Variants in CTNNA2 observed in about 807,000 individuals in gnomAD.
CTNNA2 encodes catenin alpha 2, also known as catenin alpha-2.
In CTNNA2, 42 loss-of-function variants were observed where a neutral mutation model predicts 101.0. The observed-to-expected ratio is 0.42, with a 90% confidence interval of 0.32 to 0.54. CTNNA2 has a LOEUF of 0.54. Among genes scored for constraint, CTNNA2 ranks in the 20% least tolerant of loss-of-function variants. The pLI is 0.14. For missense variants in CTNNA2, 871 were observed against 1,223.1 expected (o/e 0.71, Z 4.29); for synonymous variants, 450 against 456.4 (o/e 0.99, Z 0.18).
rs558875559 is a variant in CTNNA2, at chr2:79,193,867, C to T, written c.-523-4092C>T. Among the ~76,000 whole-genome samples the T allele has an allele frequency of 3.3e-5, 5 of 152,200 alleles. No individual in the cohort carries two copies. The South Asian group carries it at 8.3e-4, about 25-fold the overall frequency. ...TTGCCACAAGGGATAATAATGGTAC[C>T]TACTTCACAGGGTAGTTTTGAGGAT... On this transcript the variant is annotated intron_variant, in intron 1 of 21. Transcript: ENST00000466387.
At chr2:80,385,068 T>G (rs1676873916) in intron 7 of CTNNA2, among the ~76,000 whole-genome samples, 1 of 152,106 alleles carries the variant, frequency 6.6e-6, no homozygotes, top group Non-Finnish European at 1.5e-5. Flanking sequence ...GAAAACCTGT[T>G]GCATTCCAGG....
intron 2 of CTNNA2, among the ~76,000 whole-genome samples, chr2:79,735,207 A>G (rs1345908806): frequency 4.6e-5 from 7 of 152,146 alleles, no homozygotes; most frequent in Non-Finnish European, 8.8e-5. Flanking sequence ...CTGTGCTGCT[A>G]TTTAAATATG....
rs147825932 is a variant in CTNNA2 at position 79,497,262 on chromosome 2, C to T, written c.-134-7792C>T. Among the ~76,000 whole-genome samples, 488 of 152,274 alleles carry T rather than the reference C, an allele frequency of 3.2e-3. 1 individual carries two copies. The highest frequency in any genetic ancestry group is 9.8e-3 in the African/African-American group (407 of 41,554). On this transcript the variant is annotated intron_variant, in intron 4 of 21. Transcript: ENST00000466387. ...ACAACGTCTCTCTGTTTCCCCAGCA[C>T]GGCCCTGGGTGTCAGTTACTGGTTG...
rs114292203 is a variant in CTNNA2, at chr2:80,436,196, T to C, written c.1290+16595T>C. Among the ~76,000 whole-genome samples the C allele has an allele frequency of 2.2e-3, 331 of 152,222 alleles. 4 individuals are homozygous for C. The highest frequency in any genetic ancestry group is 7.5e-3 in the African/African-American group (312 of 41,544). ...GCAGGTCAGTGTTTGCAGATGAGTG[T>C]GTTCAAGTATATCAAGGGACAGACA... On this transcript the variant is annotated intron_variant, in intron 9 of 18. Transcript: ENST00000402739.
chr2:80,281,851 A>G (rs748774698), intron 7 of CTNNA2, among the ~76,000 whole-genome samples: 3 of 152,110 alleles, frequency 2.0e-5, no homozygotes, highest in Admixed American at 6.6e-5. Flanking sequence ...TGGTTAGTGT[A>G]ATATAATGCA....
At chr2:80,244,495 G>T (rs778169134) in intron 7 of CTNNA2, among the ~76,000 whole-genome samples, 1 of 152,136 alleles carries the variant, frequency 6.6e-6, no homozygotes, top group Non-Finnish European at 1.5e-5. Flanking sequence ...TTTATTTAAG[G>T]AATTCATAAC....
intron 9 of CTNNA2, among the ~76,000 whole-genome samples, chr2:80,439,394 G>T (rs913069719): frequency 1.3e-5 from 2 of 151,964 alleles, no homozygotes; most frequent in African/African-American, 4.8e-5. Flanking sequence ...AGGTTTTTTT[G>T]TTTTGTTTTG....
chr2:80,608,202 A>G lies in CTNNA2; in HGVS notation c.2314A>G (p.Lys772Glu). 1 of 1,610,326 alleles carries G rather than the reference A, an allele frequency of 6.2e-7. No individual in the cohort carries two copies. Among genetic ancestry groups the G allele is most frequent in the Non-Finnish European group, 8.5e-7 (1 of 1,177,408 alleles). The change falls in exon 17 of 19, where the codon AAG (lysine) becomes GAG (glutamate). Residue 772 changes from lysine (K) to glutamate (E), a missense_variant. Lys to Glu is a moderately conservative substitution (Grantham distance 56). This residue lies in a region of CTNNA2 where 93 missense variants were observed against 223.7 expected (regional missense o/e 0.42). Coordinates refer to ENST00000402739, the MANE Select transcript of CTNNA2 (RefSeq NM_001282597.3). ...TTTATAGTGTCCTGATTCAGCATGT[A>G]AGCAGGATTTATTAGCCTACCTTCA... Reference protein sequence around the residue: ...VADQCPDSACKQDLLAYLQRI... With the variant: ...VADQCPDSACEQDLLAYLQRI...
intron 2 of CTNNA2, among the ~76,000 whole-genome samples, chr2:79,679,556 C>T (rs1020689626): frequency 1.3e-5 from 2 of 152,150 alleles, no homozygotes; most frequent in East Asian, 1.9e-4. Flanking sequence ...AGCTGTAAAC[C>T]GCCCCATGCT....
At chr2:80,433,329 C>T (rs1367907426) in intron 9 of CTNNA2, among the ~76,000 whole-genome samples, 3 of 152,044 alleles carry the variant, frequency 2.0e-5, no homozygotes, top group South Asian at 2.1e-4. Flanking sequence ...GTGGGAACCC[C>T]GCCATCTCAG....
At chr2:79,632,427 A>G (rs1679753626) in intron 1 of CTNNA2, among the ~76,000 whole-genome samples, 1 of 152,186 alleles carries the variant, frequency 6.6e-6, no homozygotes, top group Admixed American at 6.5e-5. Flanking sequence ...CAATAAATAT[A>G]TTTCTTCTGT....
At chr2:80,194,304 C>T (rs962404780) in intron 7 of CTNNA2, among the ~76,000 whole-genome samples, 4 of 152,078 alleles carry the variant, frequency 2.6e-5, no homozygotes, top group African/African-American at 7.2e-5. Context: ...GGCTTTAAGC[C>T]GTCATGCCAA....
At chr2:79,378,998 A>T (rs1161357234) in intron 4 of CTNNA2, among the ~76,000 whole-genome samples, 1 of 152,122 alleles carries the variant, frequency 6.6e-6, no homozygotes, top group Non-Finnish European at 1.5e-5. Context: ...CAGCCTCAGT[A>T]CCACTTGTTT....
chr2:79,244,441 G>A (rs1056193161), intron 2 of CTNNA2, among the ~76,000 whole-genome samples: 3 of 152,104 alleles, frequency 2.0e-5, no homozygotes, highest in African/African-American at 7.2e-5. Flanking sequence ...TTTTTATTAT[G>A]TTTTCTGGCT....
At chr2:80,242,514 G>C (rs565648128) in intron 7 of CTNNA2, among the ~76,000 whole-genome samples, 1 of 152,108 alleles carries the variant, frequency 6.6e-6, no homozygotes. Context: ...TAAATCTTTT[G>C]CTAGGCTCTT....
intron 3 of CTNNA2, among the ~76,000 whole-genome samples, chr2:79,853,116 C>T (rs1315075972): frequency 6.6e-6 from 1 of 152,158 alleles, no homozygotes; most frequent in Non-Finnish European, 1.5e-5. Context: ...GATCCACCCA[C>T]CTCAGCCTCC....
At position 79,870,069 on chromosome 2, in the gene CTNNA2, T is replaced by G. The variant is rs369931983; in HGVS notation, c.585+134T>G. 18 of 1,207,184 alleles carry G rather than the reference T, an allele frequency of 1.5e-5. No individual in the cohort carries two copies. In the South Asian group the frequency reaches 2.5e-4, roughly 17 times the overall value. The allele number at this position is 1,207,184 out of a possible 1,614,324, so 74.8% of individuals were successfully genotyped here. A position where few individuals can be genotyped will look rare whatever the true frequency, so the allele number is the denominator to read the frequency against. ...CCCTAAGAACCTGTGATGACAAAGG[T>G]TGCTTCCTGCAGGGGCCAGTTGTGA... is the stretch of plus-strand genomic sequence containing the variant. On this transcript the variant is annotated intron_variant, in intron 5 of 18. Coordinates refer to ENST00000402739, the MANE Select transcript of CTNNA2 (RefSeq NM_001282597.3).
At chr2:79,189,576 A>G (rs1199400478) in intron 1 of CTNNA2, among the ~76,000 whole-genome samples, 1 of 152,232 alleles carries the variant, frequency 6.6e-6, no homozygotes, top group Non-Finnish European at 1.5e-5. Context: ...GAGAGAGCAC[A>G]GCTGAAGCAA....
intron 4 of CTNNA2, among the ~76,000 whole-genome samples, chr2:79,380,703 T>G (rs6728857): frequency 0.75 from 114,264 of 152,094 alleles, 43,198 homozygotes; most frequent in South Asian, 0.83. Context: ...GTGGGGAGGT[T>G]GTTCTCCACA....
Sources: allele counts gnomAD v4.1 joint callset (sites outside exome capture counted in the v4.1 genomes callset), GRCh38; gene constraint gnomAD v4.1.1; regional missense constraint gnomAD v4.1.1; transcripts MANE v1.5; gene names NCBI Gene and HGNC (gene_info 2026-07-23, HGNC 2026-07-21).